The following MAP3K13 variants were observed in gnomAD, a reference collection of about 807,000 sequenced individuals.
The protein encoded by MAP3K13 is mitogen-activated protein kinase kinase kinase 13.
A neutral mutation model predicts 104.0 loss-of-function variants in MAP3K13; 52 were observed. The observed-to-expected ratio is 0.50, with a 90% confidence interval of 0.40 to 0.63. The LOEUF (loss-of-function observed/expected upper bound fraction) is 0.63, where lower values mean the gene tolerates loss of function less well. MAP3K13 is among the 20% of genes least tolerant of loss of function. The pLI is 0.00. For synonymous variants in MAP3K13, 394 were observed against 442.2 expected, an observed-to-expected ratio of 0.89 and a Z score of 1.37; for missense variants, 914 against 1,218.5, an observed-to-expected ratio of 0.75 and a Z score of 3.72.
rs1715674177 is a variant in MAP3K13, at chr3:185,447,774, T to C, written c.852-15T>C. 1.3e-6 allele frequency: 2 copies of C among 1,582,724 alleles called. No homozygotes were observed. The highest frequency in any genetic ancestry group is 2.3e-5 in the South Asian group (2 of 85,668). On this transcript the variant is annotated splice_polypyrimidine_tract_variant and intron_variant, in intron 4 of 13. Transcript: ENST00000265026. Reference sequence around the variant, plus strand: ...ACTAATGATCCAGATGTTTTCTTTTTATTTCTTTTTAAAGTGTTTTAGTGA... The same window carrying C: ...ACTAATGATCCAGATGTTTTCTTTTCATTTCTTTTTAAAGTGTTTTAGTGA...
intron 2 of MAP3K13, among the ~76,000 whole-genome samples, chr3:185,430,818 G>A (rs1268795740): frequency 2.0e-5 from 3 of 152,158 alleles, no homozygotes; most frequent in East Asian, 1.9e-4. Flanking sequence ...GTGTATGTGT[G>A]TGTATACTTT....
chr3:185,306,425 C>T (rs994610818), intron 2 of MAP3K13, among the ~76,000 whole-genome samples: 1 of 152,238 alleles, frequency 6.6e-6, no homozygotes, highest in African/African-American at 2.4e-5. Context: ...CTTTTCTCCA[C>T]AGCCTTATTA....
chr3:185,310,633 A>G (rs1439156638), intron 2 of MAP3K13, among the ~76,000 whole-genome samples: 3 of 152,208 alleles, frequency 2.0e-5, no homozygotes, highest in African/African-American at 7.2e-5. Context: ...ATTTCAACAG[A>G]CTGGAAAGAG....
intron 2 of MAP3K13, among the ~76,000 whole-genome samples, chr3:185,295,367 G>T (rs1353338960): frequency 2.6e-5 from 4 of 152,148 alleles, no homozygotes; most frequent in Non-Finnish European, 5.9e-5. Flanking sequence ...ACTATGCCTG[G>T]CTAATTTTTG....
At chr3:185,390,647 CAG>C (rs35053311) in intron 1 of MAP3K13, among the ~76,000 whole-genome samples, 20,432 of 127,706 alleles carry the variant, frequency 0.16, 1,523 homozygotes, top group Admixed American at 0.21. Flanking sequence ...TTTTTTGAGA[CAG>C]AGTCTTGCTC....
At chr3:185,471,593 G>A (rs1367530286) in intron 10 of MAP3K13, among the ~76,000 whole-genome samples, 1 of 150,674 alleles carries the variant, frequency 6.6e-6, no homozygotes, top group Admixed American at 6.7e-5. Flanking sequence ...CTGAGTAGCT[G>A]GGATTACAGG....
At chr3:185,480,185 A>C in intron 12 of MAP3K13, 47 bp from the exon 13 acceptor site, 1 of 1,562,026 alleles carries the variant, frequency 6.4e-7, no homozygotes, top group South Asian at 1.2e-5. Flanking sequence ...AGGAAAGAAA[A>C]GCAGTTGTTC....
At chr3:185,297,278 C>T (rs916614626) in intron 2 of MAP3K13, among the ~76,000 whole-genome samples, 1 of 152,162 alleles carries the variant, frequency 6.6e-6, no homozygotes, top group African/African-American at 2.4e-5. Flanking sequence ...CCAGGACATT[C>T]CCAAGGTTGA....
intron 2 of MAP3K13, among the ~76,000 whole-genome samples, chr3:185,297,743 AAAAAAAG>A (rs1276413373): frequency 9.1e-4 from 101 of 111,080 alleles, no homozygotes; most frequent in Non-Finnish European, 9.5e-4. Context: ...TCAAAAAAAA[AAAAAAAG>A]AAAAGAAAAG....
At chr3:185,451,737 C>T (rs1400951848) in intron 7 of MAP3K13, among the ~76,000 whole-genome samples, 2 of 151,746 alleles carry the variant, frequency 1.3e-5, no homozygotes, top group African/African-American at 2.4e-5. Flanking sequence ...TATGGTGGCG[C>T]ATGCCTGTAA....
At position 185,299,696 on chromosome 3, in the gene MAP3K13, A is replaced by G. The variant is rs1436786929; in HGVS notation, c.-86+14053A>G. Reference sequence around the variant, plus strand: ...ATTCTCCTGCCTCAGCCTCCCGAGTAGCTGGGACTACAGGCGCCCGCCACC... The same window carrying G: ...ATTCTCCTGCCTCAGCCTCCCGAGTGGCTGGGACTACAGGCGCCCGCCACC... On this transcript the variant is annotated intron_variant, in intron 2 of 14. Coordinates refer to the MAP3K13 transcript ENST00000424227. Among the ~76,000 whole-genome samples, 2 of 47,016 alleles carry G rather than the reference A, an allele frequency of 4.3e-5. 1 individual carries two copies. The highest frequency in any genetic ancestry group is 1.1e-4 in the Non-Finnish European group (2 of 17,498). The allele number at this position is 47,016 out of a possible 152,430, so 30.8% of individuals were successfully genotyped here. A position where few individuals can be genotyped will look rare whatever the true frequency, so the allele number is the denominator to read the frequency against.
intron 3 of MAP3K13, among the ~76,000 whole-genome samples, chr3:185,441,496 T>C (rs1161544043): frequency 6.6e-6 from 1 of 152,202 alleles, no homozygotes; most frequent in Admixed American, 6.5e-5. Context: ...CTAGTGGCTG[T>C]TGTATATCAT....
rs1553809035 is a variant in MAP3K13 at position 185,455,856 on chromosome 3, G to GATATAGATGAT, written c.1278+4466_1278+4467insGATGATATATA. On this transcript the variant is annotated intron_variant, in intron 7 of 13. Transcript: ENST00000265026. The stretch of plus-strand genomic sequence containing the variant: ...AGATATATATATGAGATATATATGA[G>GATATAGATGAT]ATATATATGAGATATAGATGAGATA... Among the ~76,000 whole-genome samples the GATATAGATGAT allele has an allele frequency of 1.6e-3, 184 of 117,502 alleles. 6 individuals carry two copies. The highest frequency in any genetic ancestry group is 6.2e-3 in the African/African-American group (178 of 28,844). The allele number at this position is 117,502 out of a possible 152,430, so 77.1% of individuals were successfully genotyped here.
intron 1 of MAP3K13, among the ~76,000 whole-genome samples, chr3:185,419,783 TATG>T (rs1714014297): frequency 6.6e-6 from 1 of 152,152 alleles, no homozygotes. Flanking sequence ...AGATAGCATT[TATG>T]ATATGATTTA....
intron 1 of MAP3K13, among the ~76,000 whole-genome samples, chr3:185,371,147 A>G (rs562359202): frequency 6.6e-6 from 1 of 152,024 alleles, no homozygotes; most frequent in Non-Finnish European, 1.5e-5. Flanking sequence ...AAATTTGTAG[A>G]TTTTGTCAAA....
intron 2 of MAP3K13, chr3:185,292,018 T>C: frequency 1.0e-6 from 1 of 1,001,120 alleles, no homozygotes; most frequent in Non-Finnish European, 1.2e-6. Flanking sequence ...AAAGTTGAGT[T>C]AACAGGCTGG....
At chr3:185,469,772 A>G (rs1717669111) in intron 10 of MAP3K13, among the ~76,000 whole-genome samples, 1 of 152,174 alleles carries the variant, frequency 6.6e-6, no homozygotes, top group Non-Finnish European at 1.5e-5. Flanking sequence ...CTACTAAATC[A>G]AAGTCTTCGT....
chr3:185,362,062 A>G (rs1263940204), upstream of MAP3K13, among the ~76,000 whole-genome samples: 1 of 152,204 alleles, frequency 6.6e-6, no homozygotes, highest in African/African-American at 2.4e-5. Context: ...TGTATAAATA[A>G]TCTGATTGAG....
intron 1 of MAP3K13, among the ~76,000 whole-genome samples, chr3:185,386,510 G>C (rs1235760786): frequency 6.6e-6 from 1 of 152,074 alleles, no homozygotes; most frequent in East Asian, 1.9e-4. Context: ...AAAACACGTA[G>C]AGGTAAAAAT....
Sources: gnomAD v4.1 joint callset for allele counts (sites outside exome capture counted in the v4.1 genomes callset) on GRCh38, gnomAD v4.1.1 for gene constraint, MANE v1.5 for transcripts, NCBI Gene and HGNC (gene_info 2026-07-23, HGNC 2026-07-21) for gene names.